MTMR7: variants seen among roughly 807,000 people sequenced by gnomAD.
The protein encoded by MTMR7 is myotubularin related protein 7.
Under a neutral mutation model 81.2 loss-of-function variants are expected in MTMR7, and 76 were observed. The observed-to-expected ratio is 0.94, with a 90% CI of 0.78 to 1.13. MTMR7 has a LOEUF of 1.13. Ranked by LOEUF, MTMR7 falls within the 50% of genes most tolerant of loss-of-function variation. The pLI is 0.00. For synonymous variants in MTMR7, 372 were observed against 289.8 expected, an observed-to-expected ratio of 1.28 and a Z score of -2.88; for missense variants, 1,044 against 820.0, an observed-to-expected ratio of 1.27 and a Z score of -3.34.
intron 1 of MTMR7, among the ~76,000 whole-genome samples, chr8:17,385,289 G>C (rs1341077668): frequency 6.6e-6 from 1 of 151,968 alleles, no homozygotes; most frequent in African/African-American, 2.4e-5. Context: ...CTTGGTACTT[G>C]ATATGGTTTG....
At chr8:17,313,637 T>TTA (rs1410950429) in intron 7 of MTMR7, among the ~76,000 whole-genome samples, 2 of 152,196 alleles carry the variant, frequency 1.3e-5, no homozygotes, top group South Asian at 2.1e-4. Context: ...TTTACAAGTA[T>TTA]TATATATATG....
At chr8:17,370,754 A>C (rs888068801) in intron 3 of MTMR7, among the ~76,000 whole-genome samples, 30 of 152,072 alleles carry the variant, frequency 2.0e-4, no homozygotes, top group African/African-American at 7.0e-4. Context: ...GCATAACTTA[A>C]AGGCAATTTC....
intron 7 of MTMR7, among the ~76,000 whole-genome samples, chr8:17,319,214 G>A (rs147528415): frequency 3.2e-4 from 49 of 152,258 alleles, no homozygotes; most frequent in African/African-American, 1.1e-3. Context: ...ATGGTAACCT[G>A]GGCTAGTTAC....
At position 17,390,241 on chromosome 8, in the gene MTMR7, C is replaced by T. The variant is rs189834225; in HGVS notation, c.25-17001G>A. 3.7e-4 allele frequency among the ~76,000 whole-genome samples: 57 copies of T among 152,050 alleles called. No individual in the cohort carries two copies. The East Asian group carries it at 8.2e-3, about 22-fold the overall frequency. On this transcript the variant is annotated intron_variant, in intron 1 of 13. Transcript: ENST00000180173. ...TTGCTTCTGGGGAGGCCTCAGGAAG[C>T]TTCCAATCATGGTGTAAGGCAAAGG...
Position 17,405,095 on chromosome 8 carries a change from G to A in MTMR7, c.24+8174C>T, listed in dbSNP as rs138430350. Among the ~76,000 whole-genome samples the A allele has an allele frequency of 1.8e-3, 268 of 152,302 alleles. 2 individuals carry two copies. The highest frequency in any genetic ancestry group is 5.8e-3 in the African/African-American group (242 of 41,572). On this transcript the variant is annotated intron_variant, in intron 1 of 13. Transcript: ENST00000180173. ...CTGAACTTCTGACCTCAAACGATCC[G>A]TCCGCCTTGGCCTCCCAAAGTGTTG...
intron 4 of MTMR7, among the ~76,000 whole-genome samples, chr8:17,358,846 T>C (rs1819975390): frequency 6.6e-6 from 1 of 152,178 alleles, no homozygotes; most frequent in Non-Finnish European, 1.5e-5. Context: ...ATAAGGATAC[T>C]ATATCAAGAA....
chr8:17,330,010 T>C (rs570974826), intron 7 of MTMR7, among the ~76,000 whole-genome samples: 2 of 152,332 alleles, frequency 1.3e-5, no homozygotes, highest in African/African-American at 4.8e-5. Context: ...ATAGAAAGTA[T>C]TGGCCTAATC....
chr8:17,332,901 G>A (rs995570748), intron 6 of MTMR7, among the ~76,000 whole-genome samples: 8 of 152,192 alleles, frequency 5.3e-5, no homozygotes, highest in African/African-American at 1.9e-4. Context: ...AGCAATTACA[G>A]CAGAAAGACA....
intron 10 of MTMR7, among the ~76,000 whole-genome samples, chr8:17,307,599 C>T (rs553418190): frequency 7.2e-5 from 11 of 152,156 alleles, no homozygotes; most frequent in South Asian, 4.1e-4. Context: ...ATGTTTATAG[C>T]GGCACTATTC....
chr8:17,342,052 C>A (rs898489916), intron 5 of MTMR7, among the ~76,000 whole-genome samples: 14 of 152,088 alleles, frequency 9.2e-5, no homozygotes, highest in Admixed American at 9.2e-4. Flanking sequence ...ACAGCAGGCA[C>A]ATACCTGTGC....
At chr8:17,333,422 A>G (rs1011424) in intron 6 of MTMR7, among the ~76,000 whole-genome samples, 93,576 of 152,082 alleles carry the variant, frequency 0.62, 30,406 homozygotes, top group African/African-American at 0.82. Context: ...TATAACAAGC[A>G]TCATAAATAA....
intron 1 of MTMR7, among the ~76,000 whole-genome samples, chr8:17,384,672 C>T (rs1158176555): frequency 6.6e-6 from 1 of 152,246 alleles, no homozygotes; most frequent in Middle Eastern, 3.4e-3. Context: ...AGAAAAAGGG[C>T]ATTTGGTTTT....
chr8:17,384,035 TC>T (rs1447738562), intron 1 of MTMR7, among the ~76,000 whole-genome samples: 4 of 152,168 alleles, frequency 2.6e-5, no homozygotes, highest in Non-Finnish European at 5.9e-5. Context: ...AGTTCAGAGT[TC>T]CTGGACAAAT....
At chr8:17,300,310 C>G (rs1040162411) in intron 13 of MTMR7, 86 bp from the exon 14 acceptor site, 15 of 1,350,780 alleles carry the variant, frequency 1.1e-5, no homozygotes, top group Non-Finnish European at 1.4e-5. Flanking sequence ...TTTGTTACCT[C>G]CCACGTGGGT....
intron 1 of MTMR7, among the ~76,000 whole-genome samples, chr8:17,400,105 T>A (rs1821381356): frequency 6.6e-6 from 1 of 151,244 alleles, no homozygotes. Context: ...TGGTTTCTCA[T>A]CAATTTATGT....
chr8:17,324,592 G>A (rs1263919846), intron 7 of MTMR7, among the ~76,000 whole-genome samples: 1 of 152,202 alleles, frequency 6.6e-6, no homozygotes, highest in African/African-American at 2.4e-5. Context: ...CACCAGAGAG[G>A]CAAAAGCACA....
At position 17,302,294 on chromosome 8, in the gene MTMR7, C is replaced by T. The variant is rs1184183609; in HGVS notation, c.1494-14G>A. 1 of 1,611,428 alleles carries T rather than the reference C, an allele frequency of 6.2e-7. No homozygotes were observed. Among genetic ancestry groups the T allele is most frequent in the Non-Finnish European group, 8.5e-7 (1 of 1,178,916 alleles). ...CCACTCCAAAACCTGGAAAGGATGG[C>T]AAAGCGTCGTGATACCACCTTATCA... On this transcript the variant is annotated splice_polypyrimidine_tract_variant and intron_variant, in intron 12 of 13. Coordinates refer to ENST00000180173, the MANE Select transcript of MTMR7 (RefSeq NM_004686.5).
intron 8 of MTMR7, among the ~76,000 whole-genome samples, chr8:17,312,183 A>C (rs1817817515): frequency 6.6e-6 from 1 of 152,246 alleles, no homozygotes; most frequent in African/African-American, 2.4e-5. Context: ...ATCATTTTTT[A>C]CTAAATATCT....
intron 1 of MTMR7, among the ~76,000 whole-genome samples, chr8:17,412,539 G>A (rs1291452188): frequency 6.6e-6 from 1 of 152,164 alleles, no homozygotes; most frequent in Non-Finnish European, 1.5e-5. Context: ...TTGGTACAGC[G>A]ATCAACGTTT....
Sources: gnomAD v4.1 joint callset for allele counts (sites outside exome capture counted in the v4.1 genomes callset) on GRCh38, gnomAD v4.1.1 for gene constraint, MANE v1.5 for transcripts, NCBI Gene and HGNC (gene_info 2026-07-23, HGNC 2026-07-21) for gene names.